BIRC6: variants seen among roughly 807,000 people sequenced by gnomAD.
The protein encoded by BIRC6 is dual E2 ubiquitin-conjugating enzyme/E3 ubiquitin-protein ligase BIRC6.
Under a neutral mutation model 503.3 loss-of-function variants are expected in BIRC6, and 98 were observed. The observed-to-expected ratio is 0.19, with a 90% confidence interval of 0.17 to 0.23. The LOEUF is 0.23. BIRC6 is among the 10% of genes least tolerant of loss of function. The pLI, the probability that BIRC6 is intolerant of heterozygous loss-of-function variation, is 1.00. For synonymous variants in BIRC6, 2,240 were observed against 2,078.7 expected, an observed-to-expected ratio of 1.08 and a Z score of -2.11; for missense variants, 5,360 against 5,806.0, an observed-to-expected ratio of 0.92 and a Z score of 2.50.
rs757938961 is a variant in BIRC6, at chr2:32,510,516, T to C, written c.10238-10T>C. On this transcript the variant is annotated splice_polypyrimidine_tract_variant and intron_variant, in intron 52 of 73. Transcript: ENST00000421745. ...TTAGCAAACTTTTTCTTTGGATTCT[T>C]TGTTGCAAGATTTGAATAGTCCTTT... 19 of 1,509,440 alleles carry C rather than the reference T, an allele frequency of 1.3e-5. No homozygotes were observed. The East Asian group carries it at 4.3e-4, about 34-fold the overall frequency. 93.5% of individuals were successfully genotyped at this position (1,509,440 alleles called of 1,614,324 possible). A position where few individuals can be genotyped will look rare whatever the true frequency, so the allele number is the denominator to read the frequency against.
chr2:32,615,841 G>T (rs2063193314), intron 73 of BIRC6, among the ~76,000 whole-genome samples: 1 of 152,020 alleles, frequency 6.6e-6, no homozygotes, highest in African/African-American at 2.4e-5. Context: ...CACCATGTTG[G>T]CCAGGATGGT....
intron 11 of BIRC6, among the ~76,000 whole-genome samples, chr2:32,429,730 C>G (rs2043892964): frequency 6.6e-6 from 1 of 152,088 alleles, no homozygotes; most frequent in Non-Finnish European, 1.5e-5. Flanking sequence ...ACATTGCCCT[C>G]CAGAGCTAAT....
intron 1 of BIRC6, among the ~76,000 whole-genome samples, chr2:32,368,657 C>A (rs923020778): frequency 6.6e-6 from 1 of 152,050 alleles, no homozygotes; most frequent in Non-Finnish European, 1.5e-5. Flanking sequence ...GCTTCCCGCC[C>A]CTGTCCCCTT....
chr2:32,613,600 C>T (rs1002235315), intron 73 of BIRC6, among the ~76,000 whole-genome samples: 1 of 151,942 alleles, frequency 6.6e-6, no homozygotes, highest in Non-Finnish European at 1.5e-5. Flanking sequence ...AGGCTGGTCT[C>T]GAACTCCAGG....
intron 10 of BIRC6, among the ~76,000 whole-genome samples, chr2:32,427,600 A>G (rs2043666459): frequency 6.6e-6 from 1 of 152,076 alleles, no homozygotes; most frequent in Admixed American, 6.6e-5. Context: ...ATTTTTTTAA[A>G]AATATTTTTG....
chr2:32,358,616 C>T (rs998481472), intron 1 of BIRC6, among the ~76,000 whole-genome samples: 2 of 152,200 alleles, frequency 1.3e-5, no homozygotes, highest in African/African-American at 4.8e-5. Flanking sequence ...AACCAATTCA[C>T]TTGTATTTTA....
At chr2:32,553,712 A>T (rs777299008) in intron 65 of BIRC6, among the ~76,000 whole-genome samples, 13 of 151,880 alleles carry the variant, frequency 8.6e-5, no homozygotes, top group Non-Finnish European at 1.8e-4. Context: ...TGGAGACTTT[A>T]AAAAAAAGCG....
At chr2:32,377,257 A>G (rs1298247920) in intron 1 of BIRC6, among the ~76,000 whole-genome samples, 2 of 149,266 alleles carry the variant, frequency 1.3e-5, no homozygotes, top group Non-Finnish European at 3.0e-5. Flanking sequence ...GTGTATACAC[A>G]TCATATTTTA....
intron 15 of BIRC6, among the ~76,000 whole-genome samples, chr2:32,439,138 G>T (rs190844676): frequency 3.3e-5 from 5 of 152,052 alleles, no homozygotes; most frequent in Admixed American, 3.3e-4. Flanking sequence ...ATGGATATAC[G>T]TTCTGTTATT....
At chr2:32,393,243 A>C (rs2039470634) in intron 5 of BIRC6, among the ~76,000 whole-genome samples, 1 of 152,154 alleles carries the variant, frequency 6.6e-6, no homozygotes, top group Non-Finnish European at 1.5e-5. Flanking sequence ...TTAGTCAAGA[A>C]AAACAGTCAT....
At chr2:32,589,296 A>C (rs911679644) in intron 66 of BIRC6, among the ~76,000 whole-genome samples, 6 of 152,160 alleles carry the variant, frequency 3.9e-5, no homozygotes, top group African/African-American at 1.4e-4. Flanking sequence ...AGCTATCTCA[A>C]AGTTTCTTCC....
intron 45 of BIRC6, among the ~76,000 whole-genome samples, chr2:32,495,790 GTTT>G (rs11464835): frequency 4.7e-5 from 4 of 84,802 alleles, no homozygotes; most frequent in African/African-American, 1.4e-4. Flanking sequence ...TCAGGATGAA[GTTT>G]TTTTTTTTTT....
intron 40 of BIRC6, among the ~76,000 whole-genome samples, chr2:32,486,984 T>A (rs984390251): frequency 6.6e-6 from 1 of 151,974 alleles, no homozygotes; most frequent in African/African-American, 2.4e-5. Context: ...TATTAGAATA[T>A]CTTTTCGTAA....
intron 1 of BIRC6, among the ~76,000 whole-genome samples, chr2:32,372,398 GTAACCTGTTGATGC>G (rs2036112863): frequency 6.6e-6 from 1 of 152,264 alleles, no homozygotes; most frequent in Non-Finnish European, 1.5e-5. Context: ...CATTCAGTAT[GTAACCTGTTGATGC>G]TAGCTGCTTG....
At chr2:32,583,660 A>G (rs576169272) in intron 66 of BIRC6, among the ~76,000 whole-genome samples, 2 of 152,256 alleles carry the variant, frequency 1.3e-5, no homozygotes, top group South Asian at 2.1e-4. Flanking sequence ...AATATATGTG[A>G]CATTTGGTAC....
intron 1 of BIRC6, among the ~76,000 whole-genome samples, chr2:32,366,763 G>T (rs1014596114): frequency 1.5e-4 from 23 of 150,954 alleles, no homozygotes; most frequent in African/African-American, 5.6e-4. Context: ...TGGGAGGATT[G>T]TCTGAGGCCA....
chr2:32,376,629 C>T (rs1029266400), intron 1 of BIRC6, among the ~76,000 whole-genome samples: 1 of 151,888 alleles, frequency 6.6e-6, no homozygotes. Context: ...TTTAAATTGT[C>T]ACAAATCTCT....
chr2:32,556,507 T>G (rs1194688367), intron 65 of BIRC6, among the ~76,000 whole-genome samples: 2 of 152,206 alleles, frequency 1.3e-5, no homozygotes, highest in African/African-American at 4.8e-5. Context: ...ACCTACCAGA[T>G]TAGCCATAAC....
chr2:32,570,091 T>A (rs930057807), intron 65 of BIRC6, among the ~76,000 whole-genome samples: 2 of 152,196 alleles, frequency 1.3e-5, no homozygotes, highest in Admixed American at 1.3e-4. Flanking sequence ...ATGCTGTGTG[T>A]TCCTTCTATG....
Sources: allele counts gnomAD v4.1 joint callset (sites outside exome capture counted in the v4.1 genomes callset), GRCh38; gene constraint gnomAD v4.1.1; transcripts MANE v1.5; gene names NCBI Gene and HGNC (gene_info 2026-07-23, HGNC 2026-07-21).